AGBL1: variants seen among roughly 807,000 people sequenced by gnomAD.
AGBL1 encodes the protein cytosolic carboxypeptidase 4.
In AGBL1, 130 loss-of-function variants were observed where a neutral mutation model predicts 118.9. The ratio of observed to expected loss-of-function variants is 1.09; its 90% CI spans 0.95 to 1.26. AGBL1 has a LOEUF of 1.26. Ranked by LOEUF, AGBL1 falls within the 50% of genes most tolerant of loss-of-function variation. The probability of loss-of-function intolerance (pLI) is 0.00; values close to 1 mark genes in which losing one functional copy is unlikely to be tolerated. For missense variants in AGBL1, 1,584 were observed against 1,298.1 expected, an observed-to-expected ratio of 1.22 and a Z score of -3.38; for synonymous variants, 555 against 478.9, an observed-to-expected ratio of 1.16 and a Z score of -2.08.
intron 18 of AGBL1, among the ~76,000 whole-genome samples, chr15:86,425,425 A>T (rs1214730488): frequency 1.3e-5 from 2 of 152,108 alleles, no homozygotes; most frequent in Admixed American, 1.3e-4. Flanking sequence ...GCATTAGGAG[A>T]AATACCTAAT....
At chr15:86,364,606 C>A (rs1230363834) in intron 17 of AGBL1, among the ~76,000 whole-genome samples, 7 of 151,966 alleles carry the variant, frequency 4.6e-5, no homozygotes, top group Non-Finnish European at 1.5e-5. Context: ...CTTTACTGAC[C>A]CCTGCCCCAT....
At chr15:86,091,752 C>T (rs945515479) in intron 1 of AGBL1, among the ~76,000 whole-genome samples, 5 of 152,140 alleles carry the variant, frequency 3.3e-5, no homozygotes, top group African/African-American at 7.2e-5. Flanking sequence ...CAGAATAATA[C>T]AGCAACTTCC....
intron 18 of AGBL1, among the ~76,000 whole-genome samples, chr15:86,516,923 A>G (rs2083129104): frequency 6.6e-6 from 1 of 152,166 alleles, no homozygotes; most frequent in Non-Finnish European, 1.5e-5. Context: ...AGCTGATTTC[A>G]GCTGAAGTTG....
intron 22 of AGBL1, among the ~76,000 whole-genome samples, chr15:86,859,952 G>T (rs1477007280): frequency 1.3e-5 from 2 of 152,214 alleles, no homozygotes; most frequent in Non-Finnish European, 2.9e-5. Flanking sequence ...ACTGAGGATT[G>T]TTAGCCAGAG....
In AGBL1 at chr15:86,264,441, T is replaced by A. The variant is rs781525434; in HGVS notation, c.1270T>A (p.Ser424Thr). Residue 424 changes from serine (S) to threonine (T), a missense_variant, in exon 11 of 23, where the codon TCC (serine) becomes ACC (threonine). Ser to Thr is a moderately conservative substitution (Grantham distance 58). Transcript: ENST00000614907. The stretch of plus-strand genomic sequence containing the variant: ...TCTGTGCAGGGTGAAGACGGGAAGG[T>A]CCACTGTGCATCTAGGCTCCAAAAA... ...SLLCRVKTGR[S>T]TVHLGSKKNP... The A allele has an allele frequency of 6.8e-6, 11 of 1,613,824 alleles. No individual in the cohort carries two copies. In the Admixed American group the frequency reaches 1.2e-4, roughly 17 times the overall value.
chr15:86,363,272 G>C (rs2080833793), intron 17 of AGBL1, among the ~76,000 whole-genome samples: 1 of 152,146 alleles, frequency 6.6e-6, no homozygotes, highest in Non-Finnish European at 1.5e-5. Flanking sequence ...GGCACCTCCT[G>C]TTCTGCTATC....
intron 22 of AGBL1, among the ~76,000 whole-genome samples, chr15:86,852,307 T>G (rs1454140305): frequency 6.6e-6 from 1 of 152,080 alleles, no homozygotes; most frequent in East Asian, 1.9e-4. Context: ...GAGAACAGCA[T>G]GGGGGAAACT....
intron 18 of AGBL1, among the ~76,000 whole-genome samples, chr15:86,514,231 A>G (rs746650903): frequency 2.6e-5 from 4 of 152,104 alleles, no homozygotes; most frequent in Non-Finnish European, 4.4e-5. Context: ...TCTGATTTCA[A>G]TACAAAATCA....
At chr15:86,344,678 T>A (rs1040503855) in intron 17 of AGBL1, among the ~76,000 whole-genome samples, 1 of 151,910 alleles carries the variant, frequency 6.6e-6, no homozygotes, top group African/African-American at 2.4e-5. Flanking sequence ...TTAAAAGTAG[T>A]GATAGTAATA....
intron 18 of AGBL1, among the ~76,000 whole-genome samples, chr15:86,464,382 C>T (rs1325550147): frequency 6.6e-6 from 1 of 152,182 alleles, no homozygotes; most frequent in Non-Finnish European, 1.5e-5. Flanking sequence ...ATGTGATCTG[C>T]AAACAGAAAT....
intron 22 of AGBL1, among the ~76,000 whole-genome samples, chr15:86,717,249 G>T (rs559918201): frequency 6.6e-6 from 1 of 152,280 alleles, no homozygotes; most frequent in South Asian, 2.1e-4. Context: ...ATAATGAAAA[G>T]TATTAGTTTC....
intron 19 of AGBL1, among the ~76,000 whole-genome samples, chr15:86,530,464 C>G (rs1338902061): frequency 7.5e-6 from 1 of 132,796 alleles, no homozygotes; most frequent in Non-Finnish European, 1.5e-5. Flanking sequence ...TAAAGCAAGT[C>G]CTGAGTGACC....
chr15:86,738,624 A>C (rs902794648), intron 22 of AGBL1, among the ~76,000 whole-genome samples: 2 of 152,210 alleles, frequency 1.3e-5, no homozygotes, highest in Admixed American at 6.5e-5. Context: ...TCCATTATGC[A>C]TTATTGCCAA....
intron 22 of AGBL1, among the ~76,000 whole-genome samples, chr15:86,848,855 A>G (rs903062367): frequency 6.6e-6 from 1 of 152,218 alleles, no homozygotes; most frequent in South Asian, 2.1e-4. Context: ...GATAATATCA[A>G]TAATAGCCAA....
chr15:86,669,474 C>T (rs1455736148), intron 21 of AGBL1, among the ~76,000 whole-genome samples: 2 of 151,930 alleles, frequency 1.3e-5, no homozygotes, highest in Admixed American at 1.3e-4. Context: ...CTTTGATTTC[C>T]TTGACAGAGG....
intron 17 of AGBL1, among the ~76,000 whole-genome samples, chr15:86,371,755 C>T (rs199866132): frequency 7.1e-4 from 108 of 152,208 alleles, no homozygotes; most frequent in East Asian, 3.3e-3. Flanking sequence ...GGGTGAGAGA[C>T]GCACAAAGGG....
chr15:86,667,917 T>G lies in AGBL1; in HGVS notation c.2995-6356T>G, dbSNP rs1399247787. Among the ~76,000 whole-genome samples, 79 of 152,358 alleles carry G rather than the reference T, an allele frequency of 5.2e-4. 1 individual carries two copies. ...AAAAGAGGTTTATTTGGCTTACAGTTCTGCAGGCTGTAAAAGCATGGCCAC... is the reference window on the plus strand; with the variant it reads ...AAAAGAGGTTTATTTGGCTTACAGTGCTGCAGGCTGTAAAAGCATGGCCAC... On this transcript the variant is annotated intron_variant, in intron 21 of 22. Transcript: ENST00000614907.
intron 22 of AGBL1, among the ~76,000 whole-genome samples, chr15:86,905,211 G>C (rs1011351419): frequency 6.6e-6 from 1 of 152,190 alleles, no homozygotes; most frequent in Admixed American, 6.5e-5. Context: ...TTGACAACTT[G>C]ATGCGCGGGA....
intron 21 of AGBL1, among the ~76,000 whole-genome samples, chr15:86,601,091 C>T (rs2084485884): frequency 6.6e-6 from 1 of 152,100 alleles, no homozygotes; most frequent in Non-Finnish European, 1.5e-5. Flanking sequence ...ATCTTATTTG[C>T]ATTAACTTCC....
Sources: allele counts gnomAD v4.1 joint callset (sites outside exome capture counted in the v4.1 genomes callset), GRCh38; gene constraint gnomAD v4.1.1; transcripts MANE v1.5; gene names NCBI Gene and HGNC (gene_info 2026-07-23, HGNC 2026-07-21).